Variants in SLC17A1 observed in about 807,000 individuals in gnomAD.
SLC17A1 encodes the protein sodium-dependent phosphate transport protein 1.
Under a neutral mutation model 53.5 loss-of-function variants are expected in SLC17A1, and 51 were observed. The observed-to-expected ratio is 0.95, with a 90% CI of 0.76 to 1.20. SLC17A1 has a LOEUF of 1.20. Ranked by LOEUF, SLC17A1 falls within the 50% of genes most tolerant of loss-of-function variation. SLC17A1 has a pLI of 0.00. For missense variants in SLC17A1, 538 were observed against 568.2 expected (o/e 0.95, Z 0.54); for synonymous variants, 179 against 198.8 (o/e 0.90, Z 0.84).
At chr6:25,812,020 T>C (rs1253065453) in intron 8 of SLC17A1, among the ~76,000 whole-genome samples, 2 of 152,054 alleles carry the variant, frequency 1.3e-5, no homozygotes, top group Non-Finnish European at 2.9e-5. Context: ...GTAAAAGCAC[T>C]GGATAATAGA....
At chr6:25,728,099 T>A in the SLC17A1 span, among the ~76,000 whole-genome samples, 1 of 152,086 alleles carries the variant, frequency 6.6e-6, no homozygotes, top group African/African-American at 2.4e-5. Flanking sequence ...ATAATAAAAC[T>A]AAAAAGCGCA....
the SLC17A1 span, chr6:25,770,379 C>T: frequency 1.2e-6 from 2 of 1,613,884 alleles, no homozygotes; most frequent in South Asian, 1.1e-5. Flanking sequence ...AATTTTTCCC[C>T]CCAGGTTATG....
chr6:25,772,346 A>C, the SLC17A1 span, among the ~76,000 whole-genome samples: 1 of 152,116 alleles, frequency 6.6e-6, no homozygotes, highest in South Asian at 2.1e-4. Context: ...TCCGCACTTG[A>C]TTATGTTCCT....
chr6:25,817,441 A>G lies in SLC17A1; in HGVS notation c.616+1627T>C, dbSNP rs185235428. ...ATACCTAAATTCCTAAACAGCTGTC[A>G]TCTAATCCCTTTTCCTCAATTCTTA... On this transcript the variant is annotated intron_variant, in intron 6 of 12. Coordinates refer to ENST00000244527, the MANE Select transcript of SLC17A1 (RefSeq NM_005074.5). 2.0e-4 allele frequency among the ~76,000 whole-genome samples: 31 copies of G among 152,328 alleles called. No homozygotes were observed. The East Asian group carries it at 6.0e-3, about 29-fold the overall frequency.
chr6:25,767,350 T>C, the SLC17A1 span, among the ~76,000 whole-genome samples: 1 of 152,162 alleles, frequency 6.6e-6, no homozygotes, highest in African/African-American at 2.4e-5. Context: ...ATCCCAATAA[T>C]ACGAAGGTGG....
At chr6:25,771,539 A>G in the SLC17A1 span, among the ~76,000 whole-genome samples, 1 of 151,836 alleles carries the variant, frequency 6.6e-6, no homozygotes, top group Admixed American at 6.6e-5. Context: ...ACACTACTGC[A>G]CTCCAGCCTG....
downstream of SLC17A1, chr6:25,780,071 T>A (rs1216942628): frequency 6.6e-6 from 1 of 152,208 alleles, no homozygotes; most frequent in African/African-American, 2.4e-5. Context: ...CTCCCAAAGA[T>A]GTATGTAAGA....
Position 25,798,885 on chromosome 6 carries a change from A to G in SLC17A1, c.1304T>C (p.Leu435Pro). The G allele has an allele frequency of 1.2e-6, 2 of 1,603,178 alleles. No individual in the cohort carries two copies. Among genetic ancestry groups the G allele is most frequent in the South Asian group, 1.1e-5 (1 of 89,136 alleles). The change falls in exon 12 of 13, where the codon CTG (leucine) becomes CCG (proline). Residue 435 changes from leucine (L) to proline (P), a missense_variant. Transcript: ENST00000244527. ...PESAWFKTFI[L>P]MAAINVTGLI... ...GCCAGTCACATTAATGGCTGCCATC[A>G]GGATGAAGGTTTTAAACCAGGCGGA...
chr6:25,752,529 T>A, the SLC17A1 span, among the ~76,000 whole-genome samples: 637 of 152,314 alleles, frequency 4.2e-3, 4 homozygotes, highest in African/African-American at 0.015. Flanking sequence ...TATAAAAAAA[T>A]TTTATTTCTT....
chr6:25,809,902 T>C (rs1157674395), intron 10 of SLC17A1, among the ~76,000 whole-genome samples: 1 of 152,022 alleles, frequency 6.6e-6, no homozygotes, highest in Non-Finnish European at 1.5e-5. Context: ...AACATGATAC[T>C]AGAATGAAAA....
chr6:25,820,705 C>G (rs1161892936), intron 3 of SLC17A1, among the ~76,000 whole-genome samples: 1 of 151,706 alleles, frequency 6.6e-6, no homozygotes, highest in Non-Finnish European at 1.5e-5. Flanking sequence ...ACAGTGAAAC[C>G]CCGTCTCTAC....
At chr6:25,775,385 G>T in the SLC17A1 span, among the ~76,000 whole-genome samples, 3 of 150,520 alleles carry the variant, frequency 2.0e-5, no homozygotes, top group East Asian at 1.9e-4. Context: ...TTCCTAATCT[G>T]CCCTGTCCTC....
At chr6:25,751,552 G>A in the SLC17A1 span, among the ~76,000 whole-genome samples, 1 of 152,194 alleles carries the variant, frequency 6.6e-6, no homozygotes, top group Non-Finnish European at 1.5e-5. Context: ...CTTCTGCCAT[G>A]AGACCATCCA....
the SLC17A1 span, among the ~76,000 whole-genome samples, chr6:25,757,491 C>T: frequency 6.6e-6 from 1 of 151,988 alleles, no homozygotes; most frequent in Non-Finnish European, 1.5e-5. Flanking sequence ...ATTAATAGGT[C>T]CAGTCCAGTG....
At chr6:25,725,700 G>T in the SLC17A1 span, among the ~76,000 whole-genome samples, 1 of 152,050 alleles carries the variant, frequency 6.6e-6, no homozygotes, top group African/African-American at 2.4e-5. Context: ...CCGGACTCAT[G>T]AACAACCCTC....
chr6:25,784,211 C>T (rs1365493627), intron 12 of SLC17A1, among the ~76,000 whole-genome samples: 2 of 152,154 alleles, frequency 1.3e-5, no homozygotes, highest in African/African-American at 4.8e-5. Context: ...CAGATGTTTC[C>T]ACATGTTAGC....
At chr6:25,774,503 T>C in the SLC17A1 span, among the ~76,000 whole-genome samples, 1 of 152,186 alleles carries the variant, frequency 6.6e-6, no homozygotes, top group Non-Finnish European at 1.5e-5. Context: ...GCAAGCAGGC[T>C]GCAGGCACTG....
At chr6:25,764,119 A>G in the SLC17A1 span, among the ~76,000 whole-genome samples, 13 of 152,170 alleles carry the variant, frequency 8.5e-5, no homozygotes, top group Non-Finnish European at 1.6e-4. Context: ...GTCTAACATG[A>G]CTGATCCTCA....
At chr6:25,769,353 C>T in the SLC17A1 span, among the ~76,000 whole-genome samples, 2 of 152,066 alleles carry the variant, frequency 1.3e-5, no homozygotes, top group African/African-American at 4.8e-5. Context: ...TGGTGGCTCA[C>T]ACCTTTAGTC....
Sources: gnomAD v4.1 joint callset for allele counts (sites outside exome capture counted in the v4.1 genomes callset) on GRCh38, gnomAD v4.1.1 for gene constraint, MANE v1.5 for transcripts, NCBI Gene and HGNC (gene_info 2026-07-23, HGNC 2026-07-21) for gene names.